Variants in HTR4 observed in about 807,000 individuals in gnomAD.
The protein encoded by HTR4 is 5-hydroxytryptamine receptor 4, also known as 5-hydroxytryptamine (serotonin) receptor 4, G protein-coupled.
Under a neutral mutation model 36.8 loss-of-function variants are expected in HTR4, and 16 were observed. The observed-to-expected ratio is 0.43, with a 90% CI of 0.29 to 0.66. The LOEUF (loss-of-function observed/expected upper bound fraction) is 0.66. Among genes scored for constraint, HTR4 ranks in the 30% least tolerant of loss-of-function variants. HTR4 has a pLI of 0.13. For synonymous variants in HTR4, 189 were observed against 185.1 expected (o/e 1.02, Z -0.17); for missense variants, 438 against 490.9 (o/e 0.89, Z 1.02).
intron 4 of HTR4, among the ~76,000 whole-genome samples, chr5:148,537,436 C>T (rs1212221785): frequency 2.0e-5 from 3 of 151,856 alleles, no homozygotes; most frequent in African/African-American, 7.3e-5. Context: ...TTCAAAAGAT[C>T]AATGAACCCA....
Position 148,483,842 on chromosome 5 carries a change from G to A in HTR4, c.1077-549C>T, listed in dbSNP as rs116846408. 1.7e-4 allele frequency among the ~76,000 whole-genome samples: 26 copies of A among 152,190 alleles called. No individual in the cohort carries two copies. In the East Asian group the frequency reaches 4.2e-3, roughly 25 times the overall value. On this transcript the variant is annotated intron_variant, in intron 6 of 6. Transcript: ENST00000377888. ...CTAAAAATGGTAATAAGTTATTGGC[G>A]TATATTGAGCTTGCTGCCAACTTTG...
chr5:148,629,436 G>C (rs1436979816), intron 2 of HTR4: 1 of 152,160 alleles, frequency 6.6e-6, no homozygotes. Context: ...AAATGATGTG[G>C]ATTTTCATTA....
At chr5:148,504,947 G>A (rs888580027) in intron 6 of HTR4, among the ~76,000 whole-genome samples, 3 of 152,176 alleles carry the variant, frequency 2.0e-5, no homozygotes, top group African/African-American at 4.8e-5. Flanking sequence ...AAACCAGGAA[G>A]AAGTTGAATC....
chr5:148,453,809 G>C (rs888025205), intron 5 of HTR4, among the ~76,000 whole-genome samples: 3 of 152,146 alleles, frequency 2.0e-5, no homozygotes, highest in Non-Finnish European at 2.9e-5. Context: ...GCTCTATTGT[G>C]AATATATGGG....
intron 2 of HTR4, among the ~76,000 whole-genome samples, chr5:148,610,674 G>A (rs968472059): frequency 4.7e-4 from 71 of 152,072 alleles, no homozygotes; most frequent in African/African-American, 1.4e-3. Context: ...AAAGCTGGAC[G>A]GAGAATGACT....
At chr5:148,475,199 T>C (rs867669406), downstream of HTR4, among the ~76,000 whole-genome samples, 1 of 152,166 alleles carries the variant, frequency 6.6e-6, no homozygotes, top group Non-Finnish European at 1.5e-5. Flanking sequence ...TACAACCTCA[T>C]GAGTTAGGTA....
chr5:148,646,747 C>A lies in HTR4; in HGVS notation c.-48+7315G>T, dbSNP rs146016014. ...AACAGACCAAGAACCTAACCCTTCA[C>A]GTGCATTACTTCATTCACCTTCACA... is the stretch of plus-strand genomic sequence containing the variant. On this transcript the variant is annotated intron_variant, in intron 1 of 6. Coordinates refer to ENST00000377888, the MANE Select transcript of HTR4 (RefSeq NM_000870.7). Among the ~76,000 whole-genome samples, 20 of 152,306 alleles carry A rather than the reference C, an allele frequency of 1.3e-4. No individual in the cohort carries two copies. The East Asian group carries it at 3.7e-3, about 28-fold the overall frequency.
chr5:148,470,467 T>A (rs1755537390), intron 5 of HTR4, among the ~76,000 whole-genome samples: 1 of 152,248 alleles, frequency 6.6e-6, no homozygotes, highest in African/African-American at 2.4e-5. Flanking sequence ...GCAAACTTTT[T>A]CTGTGAAGGG....
At chr5:148,570,966 T>G in intron 2 of HTR4, among the ~76,000 whole-genome samples, 1 of 151,998 alleles carries the variant, frequency 6.6e-6, no homozygotes, top group Non-Finnish European at 1.5e-5. Flanking sequence ...TCCTAGGGGA[T>G]GTTTGAGATA....
intron 2 of HTR4, among the ~76,000 whole-genome samples, chr5:148,559,222 G>T (rs2113863535): frequency 1.3e-5 from 2 of 152,252 alleles, no homozygotes; most frequent in Middle Eastern, 6.8e-3. Context: ...TGGAAATACA[G>T]TTTCCACTGA....
intron 6 of HTR4, chr5:148,490,935 T>A (rs143410253): frequency 2.4e-6 from 1 of 422,574 alleles, no homozygotes; most frequent in Admixed American, 2.9e-5. Flanking sequence ...TATTTATATG[T>A]CATAAATTCT....
Position 148,502,887 on chromosome 5 carries a change from G to A in HTR4, c.1076+6569C>T, listed in dbSNP as rs979235571. On this transcript the variant is annotated intron_variant, in intron 6 of 6. Coordinates refer to ENST00000377888, the MANE Select transcript of HTR4 (RefSeq NM_000870.7). ...CCGATTCGATCAACTGGAAGAAAGGGTATCAGTGATTGAAGATCAAATGAA... is the reference window on the plus strand; with the variant it reads ...CCGATTCGATCAACTGGAAGAAAGGATATCAGTGATTGAAGATCAAATGAA... 2.0e-5 allele frequency among the ~76,000 whole-genome samples: 3 copies of A among 152,012 alleles called. No individual in the cohort carries two copies. The East Asian group carries it at 5.8e-4, about 29-fold the overall frequency.
chr5:148,454,277 A>G (rs539832510), intron 5 of HTR4, among the ~76,000 whole-genome samples: 32 of 152,340 alleles, frequency 2.1e-4, no homozygotes, highest in Non-Finnish European at 4.6e-4. Context: ...ATGTAAGAAA[A>G]ACATTAACAC....
chr5:148,563,717 A>G (rs912221855), intron 2 of HTR4, among the ~76,000 whole-genome samples: 1 of 152,222 alleles, frequency 6.6e-6, no homozygotes, highest in African/African-American at 2.4e-5. Flanking sequence ...AACAATAGAT[A>G]TAACAACTAT....
chr5:148,560,441 G>C (rs553345551), intron 2 of HTR4, among the ~76,000 whole-genome samples: 1 of 152,256 alleles, frequency 6.6e-6, no homozygotes, highest in African/African-American at 2.4e-5. Flanking sequence ...TGCTGATGTC[G>C]ATGCTGGTCT....
chr5:148,509,387 A>C, intron 6 of HTR4, 69 bp downstream of exon 6: 1 of 1,217,468 alleles, frequency 8.2e-7, no homozygotes, highest in South Asian at 1.5e-5. Context: ...TGGAAACAGA[A>C]AACTGGAGCA....
intron 4 of HTR4, among the ~76,000 whole-genome samples, chr5:148,544,321 ACCTCTCTTTCTCTCTCTCTC>A (rs1759273458): frequency 2.5e-5 from 2 of 80,516 alleles, no homozygotes; most frequent in South Asian, 7.5e-4. Flanking sequence ...CTCTCTCTCC[ACCTCTCTTTCTCTCTCTCTC>A]CACACACACT....
chr5:148,530,991 G>C (rs894190279), intron 4 of HTR4, among the ~76,000 whole-genome samples: 2 of 152,162 alleles, frequency 1.3e-5, no homozygotes, highest in African/African-American at 4.8e-5. Context: ...CTTCCATTTG[G>C]AATGGCCATA....
intron 2 of HTR4, among the ~76,000 whole-genome samples, chr5:148,615,864 A>T (rs1752661764): frequency 6.6e-6 from 1 of 152,174 alleles, no homozygotes; most frequent in Non-Finnish European, 1.5e-5. Flanking sequence ...GAGCCAAAAT[A>T]CTTTTTTGAA....
Sources: allele counts gnomAD v4.1 joint callset (sites outside exome capture counted in the v4.1 genomes callset), GRCh38; gene constraint gnomAD v4.1.1; transcripts MANE v1.5; gene names NCBI Gene and HGNC (gene_info 2026-07-23, HGNC 2026-07-21).